The following MIB1 variants were observed in gnomAD, a reference collection of about 807,000 sequenced individuals.
MIB1 encodes MIB E3 ubiquitin protein ligase 1, also known as E3 ubiquitin-protein ligase MIB1.
A neutral mutation model predicts 124.5 loss-of-function variants in MIB1; 278 were observed. The ratio of observed to expected loss-of-function variants is 2.23; its 90% CI spans 2.02 to 2.47. The LOEUF (loss-of-function observed/expected upper bound fraction) is 2.47. Among genes scored for constraint, MIB1 ranks in the 30% most tolerant of loss-of-function variants. The pLI, the probability that MIB1 is intolerant of heterozygous loss-of-function variation, is 0.00. For missense variants in MIB1, 957 were observed against 1,254.4 expected (o/e 0.76, Z 3.58); for synonymous variants, 446 against 429.4 (o/e 1.04, Z -0.48).
Position 21,731,152 on chromosome 18 carries a change from T to C in MIB1, n.167+26029T>C, listed in dbSNP as rs543885119. Among the ~76,000 whole-genome samples, 60 of 152,342 alleles carry C rather than the reference T, an allele frequency of 3.9e-4. 1 individual carries two copies. Among genetic ancestry groups the C allele is most frequent in the Non-Finnish European group, 6.2e-4 (42 of 68,030 alleles). On this transcript the variant is annotated intron_variant and non_coding_transcript_variant, in intron 1 of 20. Transcript: ENST00000578646. ...CATCAAATACACTTATCCTTCTGAA[T>C]TGTACGTACCTGAGTATTGGTCTTG...
chr18:21,850,572 G>C (rs1200184634), intron 17 of MIB1, among the ~76,000 whole-genome samples: 1 of 152,100 alleles, frequency 6.6e-6, no homozygotes, highest in East Asian at 1.9e-4. Flanking sequence ...ATCTTTCGTA[G>C]AATTTTTGGC....
At chr18:21,743,936 T>C (rs1211637541) in intron 1 of MIB1, among the ~76,000 whole-genome samples, 1 of 152,182 alleles carries the variant, frequency 6.6e-6, no homozygotes, top group Non-Finnish European at 1.5e-5. Flanking sequence ...TGTTTTAGAA[T>C]CTTAGTTTAA....
At chr18:21,734,603 A>G (rs933072829) in intron 1 of MIB1, among the ~76,000 whole-genome samples, 2 of 151,000 alleles carry the variant, frequency 1.3e-5, no homozygotes, top group African/African-American at 4.9e-5. Flanking sequence ...ATCTCAGCTC[A>G]CTGCAACCTT....
intron 1 of MIB1, chr18:21,724,338 G>GT (rs2040727936): frequency 6.6e-6 from 1 of 152,046 alleles, no homozygotes; most frequent in African/African-American, 2.4e-5. Context: ...TATACTTGAA[G>GT]AGAATGCCAA....
In MIB1 at chr18:21,798,156, T is replaced by C; in HGVS notation, c.1165T>C (p.Ser389Pro). 1 of 1,613,374 alleles carries C rather than the reference T, an allele frequency of 6.2e-7. No individual in the cohort carries two copies. The highest frequency in any genetic ancestry group is 1.1e-5 in the South Asian group (1 of 91,040). ...TTTAAAGGTGGAAGTTTGTGGAACA[T>C]CTTGGACATACAATCCAGCAGCAGT... Reference protein sequence around the residue: ...SDLKVEVCGTSWTYNPAAVSK... With the variant: ...SDLKVEVCGTPWTYNPAAVSK... The change falls in exon 8 of 21, where the codon TCT (serine) becomes CCT (proline). Residue 389 changes from serine (S) to proline (P), a missense_variant. Transcript: ENST00000261537.
intron 10 of MIB1, among the ~76,000 whole-genome samples, chr18:21,811,557 C>T (rs1456601201): frequency 6.6e-6 from 1 of 152,058 alleles, no homozygotes; most frequent in African/African-American, 2.4e-5. Flanking sequence ...GAAATTCTGA[C>T]ACATAAGATC....
intron 10 of MIB1, among the ~76,000 whole-genome samples, chr18:21,809,918 A>C (rs2041751560): frequency 6.6e-6 from 1 of 152,158 alleles, no homozygotes; most frequent in South Asian, 2.1e-4. Context: ...GAAAAAGAAA[A>C]GACATCCGAA....
At chr18:21,746,753 A>G (rs567584676) in intron 1 of MIB1, among the ~76,000 whole-genome samples, 10 of 152,268 alleles carry the variant, frequency 6.6e-5, no homozygotes, top group African/African-American at 2.4e-4. Flanking sequence ...GGTATAGAAA[A>G]TCAGCTTTAT....
In MIB1 at chr18:21,799,942, G is replaced by A; in HGVS notation, c.1339G>A (p.Val447Met). Reference sequence around the variant, plus strand: ...TGCTGCCAATGGAGATGTTGCTAAAGTGGAAGATTTGCTTAAAAGACCAGA... The same window carrying A: ...TGCTGCCAATGGAGATGTTGCTAAAATGGAAGATTTGCTTAAAAGACCAGA... ...KAAANGDVAKVEDLLKRPDVD... is the reference protein window; with the variant it reads ...KAAANGDVAKMEDLLKRPDVD... The change falls in exon 9 of 21, where the codon GTG becomes ATG. Residue 447 changes from valine to methionine, a missense_variant. Val to Met is a conservative substitution (Grantham distance 21). Transcript: ENST00000261537. The A allele has an allele frequency of 6.2e-7, 1 of 1,612,084 alleles. No individual in the cohort carries two copies. Among genetic ancestry groups the A allele is most frequent in the Non-Finnish European group, 8.5e-7 (1 of 1,178,662 alleles).
chr18:21,708,081 TGC>T (rs1445306039), intron 1 of MIB1, among the ~76,000 whole-genome samples: 1 of 152,190 alleles, frequency 6.6e-6, no homozygotes, highest in East Asian at 1.9e-4. Flanking sequence ...CCAAAAGCCG[TGC>T]CTCCTAATAC....
chr18:21,809,964 G>T (rs1256553845), intron 10 of MIB1, among the ~76,000 whole-genome samples: 1 of 152,026 alleles, frequency 6.6e-6, no homozygotes, highest in Non-Finnish European at 1.5e-5. Flanking sequence ...TGTTTGCAGT[G>T]ATCTTAGTGA....
chr18:21,732,910 T>C (rs1381521027), intron 1 of MIB1, among the ~76,000 whole-genome samples: 1 of 152,180 alleles, frequency 6.6e-6, no homozygotes, highest in East Asian at 1.9e-4. Flanking sequence ...CAAAACACTC[T>C]TGTAATAAGC....
chr18:21,728,636 A>G lies in MIB1; in HGVS notation n.167+23513A>G, dbSNP rs899200626. 8.9e-4 allele frequency among the ~76,000 whole-genome samples: 135 copies of G among 152,324 alleles called. 1 individual carries two copies. Among genetic ancestry groups the G allele is most frequent in the Non-Finnish European group, 1.6e-3 (106 of 68,042 alleles). ...TGCTTACACAGGGGACTTCATCAAG[A>G]TAGGGCCTCTTCTTTTTTCATTTTA... On this transcript the variant is annotated intron_variant and non_coding_transcript_variant, in intron 1 of 20. Transcript: ENST00000578646.
At chr18:21,860,736 C>A (rs768682240) in intron 20 of MIB1, among the ~76,000 whole-genome samples, 2 of 152,076 alleles carry the variant, frequency 1.3e-5, no homozygotes, top group African/African-American at 2.4e-5. Flanking sequence ...CTTGTGATAA[C>A]TAATTAAGAA....
chr18:21,728,407 T>A (rs2040752555), intron 1 of MIB1, among the ~76,000 whole-genome samples: 1 of 152,028 alleles, frequency 6.6e-6, no homozygotes, highest in African/African-American at 2.4e-5. Flanking sequence ...GCAGGAGAAT[T>A]GCTTGAACCC....
chr18:21,798,370 A>G lies in MIB1; in HGVS notation c.1237+142A>G, dbSNP rs2041610651. ...ACACAGCCTTACTTGAATGTTGACC[A>G]CCTTTTAAACTTTCACTAAAAATTT... On this transcript the variant is annotated intron_variant, in intron 8 of 20. Transcript: ENST00000261537. The G allele has an allele frequency of 1.2e-5, 10 of 814,968 alleles. No individual in the cohort carries two copies. In the South Asian group the frequency reaches 1.8e-4, roughly 15 times the overall value. 50.5% of individuals were successfully genotyped at this position (814,968 alleles called of 1,614,324 possible).
intron 1 of MIB1, among the ~76,000 whole-genome samples, chr18:21,730,711 A>G (rs896843260): frequency 6.6e-6 from 1 of 152,238 alleles, no homozygotes; most frequent in Admixed American, 6.5e-5. Context: ...ATGGTCTGCC[A>G]AACAATTTCT....
At chr18:21,777,175 T>C (rs2041299109) in intron 4 of MIB1, among the ~76,000 whole-genome samples, 1 of 152,200 alleles carries the variant, frequency 6.6e-6, no homozygotes, top group South Asian at 2.1e-4. Flanking sequence ...TCCCAGCACT[T>C]TGGGAGGCTG....
Position 21,788,521 on chromosome 18 carries a change from A to C in MIB1, c.909-2853A>C, listed in dbSNP as rs144786837. Among the ~76,000 whole-genome samples the C allele has an allele frequency of 2.4e-3, 363 of 152,372 alleles. 2 individuals are homozygous for C. The highest frequency in any genetic ancestry group is 8.0e-3 in the African/African-American group (333 of 41,586). ...ACCACAGCTAACATCATCCTTAATG[A>C]TGAAAGACTGAATACTTACCCGGTA... On this transcript the variant is annotated intron_variant, in intron 6 of 20. Coordinates refer to ENST00000261537, the MANE Select transcript of MIB1 (RefSeq NM_020774.4).
Sources: gnomAD v4.1 joint callset for allele counts (sites outside exome capture counted in the v4.1 genomes callset) on GRCh38, gnomAD v4.1.1 for gene constraint, MANE v1.5 for transcripts, NCBI Gene and HGNC (gene_info 2026-07-23, HGNC 2026-07-21) for gene names.